Variants in LHFPL3 observed in about 807,000 individuals in gnomAD.
The protein encoded by LHFPL3 is LHFPL tetraspan subfamily member 3 protein.
Under a neutral mutation model 19.3 loss-of-function variants are expected in LHFPL3, and 5 were observed. The observed-to-expected ratio is 0.26, with a 90% CI of 0.14 to 0.54. The LOEUF is 0.54. Among genes scored for constraint, LHFPL3 ranks in the 20% least tolerant of loss-of-function variants. The pLI is 0.94. For synonymous variants in LHFPL3, 133 were observed against 126.2 expected, an observed-to-expected ratio of 1.05 and a Z score of -0.36; for missense variants, 249 against 307.4, an observed-to-expected ratio of 0.81 and a Z score of 1.42.
intron 2 of LHFPL3, among the ~76,000 whole-genome samples, chr7:104,901,902 T>G (rs1255376063): frequency 2.6e-5 from 4 of 152,016 alleles, no homozygotes; most frequent in Non-Finnish European, 5.9e-5. Context: ...ACCTCACACT[T>G]GCATGACCCT....
intron 2 of LHFPL3, among the ~76,000 whole-genome samples, chr7:104,765,981 C>T (rs144744280): frequency 2.0e-5 from 3 of 152,348 alleles, no homozygotes; most frequent in Non-Finnish European, 4.4e-5. Flanking sequence ...TTTGAAACTT[C>T]ACCATGTTCT....
intron 1 of LHFPL3, among the ~76,000 whole-genome samples, chr7:104,559,394 A>C (rs1789934949): frequency 6.7e-6 from 1 of 150,260 alleles, no homozygotes. Context: ...GAGGTCCTTC[A>C]CATCCCTTGT....
rs77880114 is a variant in LHFPL3 at position 104,837,568 on chromosome 7, G to A, written c.683-68619G>A. On this transcript the variant is annotated intron_variant, in intron 2 of 2. Coordinates refer to ENST00000424859, the MANE Select transcript of LHFPL3 (RefSeq NM_199000.3). Reference sequence around the variant, plus strand: ...TTAATGCAAGAAACTGAGCCTTGAGGAGGTTGAGTAGTTCACCTGAGGACA... The same window carrying A: ...TTAATGCAAGAAACTGAGCCTTGAGAAGGTTGAGTAGTTCACCTGAGGACA... Among the ~76,000 whole-genome samples, 711 of 152,296 alleles carry A rather than the reference G, an allele frequency of 4.7e-3. 19 individuals carry two copies. The East Asian group carries it at 0.074, about 16-fold the overall frequency.
chr7:104,756,746 C>G (rs1049971779), intron 2 of LHFPL3, among the ~76,000 whole-genome samples: 2 of 152,136 alleles, frequency 1.3e-5, no homozygotes, highest in African/African-American at 4.8e-5. Flanking sequence ...TTGATCCACC[C>G]ACTTCGGCCT....
At chr7:104,667,876 A>T in intron 1 of LHFPL3, 1 of 1,612,314 alleles carries the variant, frequency 6.2e-7, no homozygotes, top group Non-Finnish European at 8.5e-7. Context: ...TGGGCTGATG[A>T]AACGGATGAC....
intron 1 of LHFPL3, among the ~76,000 whole-genome samples, chr7:104,510,642 C>G (rs1793791167): frequency 6.6e-6 from 1 of 151,638 alleles, no homozygotes; most frequent in South Asian, 2.1e-4. Flanking sequence ...AGTTCCTAGA[C>G]TTGACATAAA....
At chr7:104,430,864 T>C (rs1179955719) in intron 1 of LHFPL3, among the ~76,000 whole-genome samples, 6 of 152,092 alleles carry the variant, frequency 3.9e-5, no homozygotes, top group Non-Finnish European at 8.8e-5. Context: ...AGGTGCATAA[T>C]GTGTGTGTTT....
At chr7:104,734,908 C>T (rs982712136) in intron 1 of LHFPL3, among the ~76,000 whole-genome samples, 5 of 152,140 alleles carry the variant, frequency 3.3e-5, no homozygotes, top group African/African-American at 1.2e-4. Context: ...TGTGGATGGC[C>T]TTTCTGTTTG....
At chr7:104,370,056 G>T (rs1039254667) in intron 1 of LHFPL3, among the ~76,000 whole-genome samples, 1 of 152,104 alleles carries the variant, frequency 6.6e-6, no homozygotes, top group Non-Finnish European at 1.5e-5. Context: ...AACTGAAAAG[G>T]CCAGAAAAGA....
Position 104,444,006 on chromosome 7 carries a change from A to G in LHFPL3, c.445+114782A>G, listed in dbSNP as rs566576621. On this transcript the variant is annotated intron_variant, in intron 1 of 2. Transcript: ENST00000424859. ...AAAAGTCATTGATCATCGCTGTGTA[A>G]TATGGATTTGCAAATTGGCACAGCC... Among the ~76,000 whole-genome samples the G allele has an allele frequency of 5.3e-5, 8 of 152,380 alleles. No individual in the cohort carries two copies. In the South Asian group the frequency reaches 1.4e-3, roughly 28 times the overall value.
At chr7:104,894,344 A>G (rs1426545789) in intron 2 of LHFPL3, among the ~76,000 whole-genome samples, 1 of 152,226 alleles carries the variant, frequency 6.6e-6, no homozygotes, top group Non-Finnish European at 1.5e-5. Flanking sequence ...AGCTATTATC[A>G]TTATAGGGAA....
chr7:104,434,729 A>G (rs1270474489), intron 1 of LHFPL3, among the ~76,000 whole-genome samples: 1 of 152,214 alleles, frequency 6.6e-6, no homozygotes, highest in Non-Finnish European at 1.5e-5. Flanking sequence ...AAAAGTGATT[A>G]TAGGCAAATT....
chr7:104,460,742 A>T (rs944698204), intron 1 of LHFPL3, among the ~76,000 whole-genome samples: 4 of 152,152 alleles, frequency 2.6e-5, no homozygotes, highest in African/African-American at 9.7e-5. Flanking sequence ...GCTGGATATT[A>T]GATCTTTTTC....
At chr7:104,733,858 A>C (rs1384310514) in intron 1 of LHFPL3, among the ~76,000 whole-genome samples, 1 of 152,118 alleles carries the variant, frequency 6.6e-6, no homozygotes, top group East Asian at 1.9e-4. Flanking sequence ...AGTGGCTGGG[A>C]CCGGTTATTC....
intron 1 of LHFPL3, among the ~76,000 whole-genome samples, chr7:104,662,108 T>C (rs1792233531): frequency 6.6e-6 from 1 of 152,200 alleles, no homozygotes; most frequent in African/African-American, 2.4e-5. Context: ...AACTTATTAA[T>C]TGTTTATTTC....
chr7:104,563,543 G>A (rs911039375), intron 1 of LHFPL3, among the ~76,000 whole-genome samples: 235 of 152,306 alleles, frequency 1.5e-3, no homozygotes, highest in African/African-American at 2.9e-3. Flanking sequence ...GCTTCGGCTC[G>A]CGCACGGTGC....
Position 104,391,028 on chromosome 7 carries a change from G to A in LHFPL3, c.445+61804G>A, listed in dbSNP as rs189206713. 2.4e-4 allele frequency among the ~76,000 whole-genome samples: 37 copies of A among 152,230 alleles called. No homozygotes were observed. In the East Asian group the frequency reaches 6.9e-3, roughly 29 times the overall value. On this transcript the variant is annotated intron_variant, in intron 1 of 2. Coordinates refer to ENST00000424859, the MANE Select transcript of LHFPL3 (RefSeq NM_199000.3). ...TATCCTTCGCCTACTTTTTGATGGGGTTGTTTGTTTTTTTCTTGTAAATTT... is the reference window on the plus strand; with the variant it reads ...TATCCTTCGCCTACTTTTTGATGGGATTGTTTGTTTTTTTCTTGTAAATTT...
chr7:104,644,806 TGAACGTAAGTATCACCTTGAG>T (rs1211394572), intron 1 of LHFPL3, among the ~76,000 whole-genome samples: 1 of 152,206 alleles, frequency 6.6e-6, no homozygotes, highest in East Asian at 1.9e-4. Context: ...CCGGCCCTGC[TGAACGTAAGTATCACCTTGAG>T]GAGCTTTTAA....
At chr7:104,587,960 TG>T (rs1790618177) in intron 1 of LHFPL3, among the ~76,000 whole-genome samples, 2 of 152,194 alleles carry the variant, frequency 1.3e-5, no homozygotes, top group African/African-American at 4.8e-5. Flanking sequence ...CACTTGTTAA[TG>T]GGGTTGTTTT....
Sources: gnomAD v4.1 joint callset for allele counts (sites outside exome capture counted in the v4.1 genomes callset) on GRCh38, gnomAD v4.1.1 for gene constraint, MANE v1.5 for transcripts, NCBI Gene and HGNC (gene_info 2026-07-23, HGNC 2026-07-21) for gene names.